Variants in IFT74 observed in about 807,000 individuals in gnomAD.
IFT74 encodes the protein intraflagellar transport protein 74 homolog.
In IFT74, 92 loss-of-function variants were observed where a neutral mutation model predicts 96.7. The ratio of observed to expected loss-of-function variants is 0.95; its 90% CI spans 0.80 to 1.13. The LOEUF (loss-of-function observed/expected upper bound fraction) is 1.13, where lower values mean the gene tolerates loss of function less well. Among genes scored for constraint, IFT74 ranks in the 50% most tolerant of loss-of-function variants. The pLI is 0.00. For missense variants in IFT74, 811 were observed against 698.2 expected (o/e 1.16, Z -1.82); for synonymous variants, 223 against 213.2 (o/e 1.05, Z -0.40).
At chr9:26,991,668 T>A (rs932493194) in intron 8 of IFT74, among the ~76,000 whole-genome samples, 1 of 152,028 alleles carries the variant, frequency 6.6e-6, no homozygotes, top group Non-Finnish European at 1.5e-5. Context: ...CTGGTTTTAA[T>A]CCATTTAGCA....
In IFT74 at chr9:26,980,611, G is replaced by A; in HGVS notation, c.297G>A (p.Gly99=). ...RQILDKSYYL[G]LLRSKISELT... Reference sequence around the variant, plus strand: ...TTTTAGACAAATCTTACTATCTTGGGCTTCTTAGGTATGTTAAACATATCT... The same window carrying A: ...TTTTAGACAAATCTTACTATCTTGGACTTCTTAGGTATGTTAAACATATCT... Residue 99 remains glycine (G), a synonymous_variant, in exon 4 of 20, where the codon GGG becomes GGA. Coordinates refer to ENST00000380062, the MANE Select transcript of IFT74 (RefSeq NM_025103.4). 1 of 1,597,266 alleles carries A rather than the reference G, an allele frequency of 6.3e-7. No homozygotes were observed. Among genetic ancestry groups the A allele is most frequent in the Non-Finnish European group, 8.6e-7 (1 of 1,165,458 alleles).
intron 13 of IFT74, among the ~76,000 whole-genome samples, chr9:27,034,228 A>G (rs184561098): frequency 7.8e-4 from 119 of 152,342 alleles, no homozygotes; most frequent in Non-Finnish European, 7.2e-4. Flanking sequence ...ACCATAATAC[A>G]TATAAATAAC....
At chr9:26,995,311 T>C (rs1020328069) in intron 8 of IFT74, 7 of 470,408 alleles carry the variant, frequency 1.5e-5, no homozygotes, top group African/African-American at 1.2e-4. Context: ...TTGTAGACTA[T>C]GTAACTGTCA....
intron 16 of IFT74, among the ~76,000 whole-genome samples, chr9:27,053,109 C>T (rs112398810): frequency 0.019 from 2,918 of 150,538 alleles, 40 homozygotes; most frequent in Middle Eastern, 0.035. Context: ...GTGATCCGCC[C>T]GCCTCGGCCT....
intron 9 of IFT74, among the ~76,000 whole-genome samples, chr9:27,010,241 G>A (rs895291535): frequency 2.0e-5 from 3 of 151,598 alleles, no homozygotes; most frequent in Non-Finnish European, 4.4e-5. Context: ...CGCCTGCCTC[G>A]GCCTCCCAAA....
intron 2 of IFT74, among the ~76,000 whole-genome samples, chr9:26,968,890 AT>A (rs60431999): frequency 0.33 from 49,219 of 150,420 alleles, 9,431 homozygotes; most frequent in East Asian, 0.69. Context: ...AATCTTTTAT[AT>A]TTTTTTTGTT....
At chr9:26,982,541 C>A in intron 4 of IFT74, 1 of 284,238 alleles carries the variant, frequency 3.5e-6, no homozygotes, top group Non-Finnish European at 7.0e-6. Context: ...CCGCAACCTC[C>A]GCCTCCCGGG....
rs1164410424 is a variant in IFT74, at chr9:27,060,629, A to C, written c.1662A>C (p.Gln554His). 6.2e-7 allele frequency: 1 copy of C among 1,600,692 alleles called. No individual in the cohort carries two copies. The highest frequency in any genetic ancestry group is 8.5e-7 in the Non-Finnish European group (1 of 1,171,796). The change falls in exon 19 of 20, where the codon CAA (glutamine) becomes CAC (histidine). Residue 554 changes from glutamine (Q) to histidine (H), a missense_variant. Physicochemically the swap from Gln to His is conservative, Grantham distance 24. Transcript: ENST00000380062. ...NLERKWQHLE[Q>H]NNFAMKEFIA... Reference sequence around the variant, plus strand: ...AGAGAAAGTGGCAACACCTTGAGCAAAATAATTTTGCGATGAAAGAATGTA... The same window carrying C: ...AGAGAAAGTGGCAACACCTTGAGCACAATAATTTTGCGATGAAAGAATGTA...
chr9:26,998,015 T>A lies in IFT74; in HGVS notation c.587+7820T>A, dbSNP rs541374548. On this transcript the variant is annotated intron_variant, in intron 8 of 19. Coordinates refer to ENST00000380062, the MANE Select transcript of IFT74 (RefSeq NM_025103.4). ...TACATAGATGGAGTTTCTACAGATATTTAAAATTTCTAGACTGGAGAGGTT... is the reference window on the plus strand; with the variant it reads ...TACATAGATGGAGTTTCTACAGATAATTAAAATTTCTAGACTGGAGAGGTT... The A allele has an allele frequency of 2.2e-5, 35 of 1,613,894 alleles. No homozygotes were observed. Among genetic ancestry groups the A allele is most frequent in the Non-Finnish European group, 3.0e-5 (35 of 1,179,904 alleles).
intron 18 of IFT74, among the ~76,000 whole-genome samples, chr9:27,057,387 G>A (rs546983693): frequency 6.6e-6 from 1 of 152,146 alleles, no homozygotes; most frequent in Non-Finnish European, 1.5e-5. Context: ...CTTGCCCTGT[G>A]GTATTGGTTG....
At chr9:27,048,350 C>A in intron 16 of IFT74, 76 bp downstream of exon 16, 1 of 1,041,454 alleles carries the variant, frequency 9.6e-7, no homozygotes, top group Non-Finnish European at 1.3e-6. Context: ...ATTTTAAAGC[C>A]TCATTGACAG....
chr9:26,956,756 C>T (rs1480193197), intron 1 of IFT74, among the ~76,000 whole-genome samples: 1 of 152,360 alleles, frequency 6.6e-6, no homozygotes, highest in African/African-American at 2.4e-5. Context: ...AAGCACAGAG[C>T]AGAGGGAAGG....
At chr9:27,062,123 C>T (rs1820454637) in intron 19 of IFT74, among the ~76,000 whole-genome samples, 1 of 152,150 alleles carries the variant, frequency 6.6e-6, no homozygotes. Context: ...GTTTTAGGTA[C>T]TCTGTTGCCA....
intron 2 of IFT74, among the ~76,000 whole-genome samples, chr9:26,977,395 C>G (rs1587272029): frequency 6.6e-6 from 1 of 152,172 alleles, no homozygotes; most frequent in East Asian, 1.9e-4. Context: ...GCCAGTAGTT[C>G]AAGACCAGCC....
chr9:27,030,276 C>T (rs913447935), intron 13 of IFT74, among the ~76,000 whole-genome samples: 2 of 152,020 alleles, frequency 1.3e-5, no homozygotes, highest in African/African-American at 2.4e-5. Flanking sequence ...ACATTCATAG[C>T]GGTGCAGTGG....
intron 12 of IFT74, among the ~76,000 whole-genome samples, chr9:27,023,124 T>C (rs1244865738): frequency 6.6e-6 from 1 of 152,196 alleles, no homozygotes; most frequent in Non-Finnish European, 1.5e-5. Flanking sequence ...TTTGACTTCC[T>C]CTTTACTGAT....
chr9:27,045,516 C>A (rs765374669), intron 14 of IFT74, among the ~76,000 whole-genome samples: 1 of 152,094 alleles, frequency 6.6e-6, no homozygotes, highest in African/African-American at 2.4e-5. Context: ...CAGATATTGT[C>A]ACTTTTTTCT....
chr9:27,042,501 T>G (rs1181547798), intron 13 of IFT74, among the ~76,000 whole-genome samples: 1 of 152,200 alleles, frequency 6.6e-6, no homozygotes, highest in Non-Finnish European at 1.5e-5. Context: ...CGTTTGAATT[T>G]GATCATTAAG....
intron 13 of IFT74, among the ~76,000 whole-genome samples, chr9:27,039,422 C>T (rs1337961783): frequency 1.3e-5 from 2 of 152,004 alleles, no homozygotes; most frequent in African/African-American, 2.4e-5. Context: ...TGTGGCTGGG[C>T]GTGGTGGCTC....
Sources: gnomAD v4.1 joint callset for allele counts (sites outside exome capture counted in the v4.1 genomes callset) on GRCh38, gnomAD v4.1.1 for gene constraint, MANE v1.5 for transcripts, NCBI Gene and HGNC (gene_info 2026-07-23, HGNC 2026-07-21) for gene names.